Variants in GALK2 observed in about 807,000 individuals in gnomAD.
The protein encoded by GALK2 is N-acetylgalactosamine kinase.
A neutral mutation model predicts 52.4 loss-of-function variants in GALK2; 36 were observed. The ratio of observed to expected loss-of-function variants is 0.69; its 90% CI spans 0.53 to 0.91. The LOEUF (loss-of-function observed/expected upper bound fraction) is 0.91. Among genes scored for constraint, GALK2 ranks in the 40% least tolerant of loss-of-function variants. The pLI, the probability that GALK2 is intolerant of heterozygous loss-of-function variation, is 0.00. For missense variants in GALK2, 579 were observed against 559.1 expected (o/e 1.04, Z -0.36); for synonymous variants, 176 against 199.1 (o/e 0.88, Z 0.98).
chr15:49,276,111 G>A lies in GALK2; in HGVS notation c.505-5876G>A, dbSNP rs149906159. On this transcript the variant is annotated intron_variant, in intron 5 of 9. Coordinates refer to ENST00000560031, the MANE Select transcript of GALK2 (RefSeq NM_002044.4). ...GCAAAGTTTCCCATGCAGTCAAATTGTCTTCCCTAATGATTCTCAGTCATT... is the reference window on the plus strand; with the variant it reads ...GCAAAGTTTCCCATGCAGTCAAATTATCTTCCCTAATGATTCTCAGTCATT... Among the ~76,000 whole-genome samples the A allele has an allele frequency of 1.9e-3, 284 of 152,332 alleles. 2 individuals carry two copies. Among genetic ancestry groups the A allele is most frequent in the African/African-American group, 6.3e-3 (263 of 41,582 alleles).
intron 9 of GALK2, among the ~76,000 whole-genome samples, chr15:49,322,342 C>T (rs546290774): frequency 6.6e-6 from 1 of 152,308 alleles, no homozygotes; most frequent in Non-Finnish European, 1.5e-5. Context: ...ATTCGATAAC[C>T]ATATAGGGTC....
chr15:49,345,995 A>G (rs2041428371), intron 3 of GALK2, among the ~76,000 whole-genome samples: 1 of 151,688 alleles, frequency 6.6e-6, no homozygotes, highest in Non-Finnish European at 1.5e-5. Flanking sequence ...TGAAACCAAG[A>G]GGTTAATTTG....
chr15:49,258,976 A>G (rs1359291651), intron 5 of GALK2, among the ~76,000 whole-genome samples: 6 of 151,132 alleles, frequency 4.0e-5, no homozygotes, highest in African/African-American at 1.2e-4. Context: ...CATGTCCTTC[A>G]CCCATTTTTT....
At position 49,319,713 on chromosome 15, in the gene GALK2, G is replaced by C. The variant is rs1327990412; in HGVS notation, c.1077G>C (p.Leu359=). The change falls in exon 9 of 10, where the codon CTG becomes CTC. Residue 359 remains leucine (L), a synonymous_variant. Transcript: ENST00000560031. ...CEEAPENMVQ[L]LGELMNQSHM... ...AAGCACCTGAAAACATGGTCCAGCT[G>C]CTGGGAGAGTTGATGAACCAGAGCC... The C allele has an allele frequency of 6.2e-7, 1 of 1,614,156 alleles. No homozygotes were observed. The highest frequency in any genetic ancestry group is 2.2e-5 in the East Asian group (1 of 44,882).
chr15:49,262,048 G>A (rs1395259081), intron 5 of GALK2, among the ~76,000 whole-genome samples: 2 of 152,134 alleles, frequency 1.3e-5, no homozygotes, highest in Non-Finnish European at 2.9e-5. Context: ...TTGTGTCTCT[G>A]CCCGGCTTTG....
intron 5 of GALK2, among the ~76,000 whole-genome samples, chr15:49,251,043 T>G (rs2091574639): frequency 6.6e-6 from 1 of 152,068 alleles, no homozygotes; most frequent in Non-Finnish European, 1.5e-5. Context: ...AAAGAACACT[T>G]CCCAACTTGT....
At chr15:49,165,152 A>G (rs974428238) in intron 1 of GALK2, among the ~76,000 whole-genome samples, 1 of 152,206 alleles carries the variant, frequency 6.6e-6, no homozygotes, top group Non-Finnish European at 1.5e-5. Flanking sequence ...AGAATAATGG[A>G]TGAAACATGG....
In GALK2 at chr15:49,254,118, A is replaced by T. The variant is rs2091720487; in HGVS notation, c.504+14751A>T. Among the ~76,000 whole-genome samples the T allele has an allele frequency of 1.4e-5, 2 of 144,922 alleles. 1 individual carries two copies. The highest frequency in any genetic ancestry group is 3.1e-5 in the Non-Finnish European group (2 of 64,388). On this transcript the variant is annotated intron_variant, in intron 5 of 9. Coordinates refer to ENST00000560031, the MANE Select transcript of GALK2 (RefSeq NM_002044.4). ...TATGAGCATCTTTACAGTGCCTGACATAAAGGAGGCAAGTAATTGGATTGG... is the reference window on the plus strand; with the variant it reads ...TATGAGCATCTTTACAGTGCCTGACTTAAAGGAGGCAAGTAATTGGATTGG...
chr15:49,291,130 A>G (rs1184878072), intron 7 of GALK2, among the ~76,000 whole-genome samples: 1 of 149,324 alleles, frequency 6.7e-6, no homozygotes, highest in Non-Finnish European at 1.5e-5. Flanking sequence ...TAATTTTTGT[A>G]TTTTTAGTAG....
At chr15:49,313,780 C>G (rs1477809338) in intron 8 of GALK2, among the ~76,000 whole-genome samples, 1 of 152,174 alleles carries the variant, frequency 6.6e-6, no homozygotes, top group Non-Finnish European at 1.5e-5. Flanking sequence ...TGGCATCCCT[C>G]TTAGTAGAAG....
chr15:49,195,273 A>G (rs2087120649), intron 1 of GALK2: 1 of 315,820 alleles, frequency 3.2e-6, no homozygotes, highest in Non-Finnish European at 6.2e-6. Flanking sequence ...GTGTTTCACT[A>G]TGTTGGCAAG....
At chr15:49,278,175 G>A (rs1379284278) in intron 5 of GALK2, among the ~76,000 whole-genome samples, 1 of 152,134 alleles carries the variant, frequency 6.6e-6, no homozygotes, top group African/African-American at 2.4e-5. Context: ...GCAGGAGAAT[G>A]GCGTGAACCC....
At chr15:49,203,666 G>A (rs2087988801) in intron 2 of GALK2, among the ~76,000 whole-genome samples, 1 of 152,116 alleles carries the variant, frequency 6.6e-6, no homozygotes, top group Non-Finnish European at 1.5e-5. Flanking sequence ...CAGTTCTGAT[G>A]TTTAAGTCTT....
chr15:49,227,241 T>C (rs547163595), intron 3 of GALK2, among the ~76,000 whole-genome samples: 6 of 152,312 alleles, frequency 3.9e-5, no homozygotes, highest in African/African-American at 1.2e-4. Flanking sequence ...TCCCCAAGTA[T>C]TATTGTATTG....
intron 3 of GALK2, among the ~76,000 whole-genome samples, chr15:49,355,794 T>C (rs1322077221): frequency 6.6e-6 from 1 of 151,874 alleles, no homozygotes; most frequent in Admixed American, 6.6e-5. Flanking sequence ...ATTGTCAGAT[T>C]CACCAAAGTT....
intron 7 of GALK2, among the ~76,000 whole-genome samples, chr15:49,287,458 A>G (rs2033489510): frequency 6.6e-6 from 1 of 152,162 alleles, no homozygotes; most frequent in Non-Finnish European, 1.5e-5. Flanking sequence ...AGAGATATTG[A>G]TATTAGGAAT....
intron 1 of GALK2, among the ~76,000 whole-genome samples, chr15:49,192,538 T>A (rs2086847747): frequency 7.2e-6 from 1 of 138,678 alleles, no homozygotes; most frequent in Non-Finnish European, 1.5e-5. Context: ...TGGAGGTGTA[T>A]CTTCAGGGCA....
chr15:49,351,753 G>GACCCTAT (rs1307918099), intron 3 of GALK2, among the ~76,000 whole-genome samples: 1 of 95,926 alleles, frequency 1.0e-5, no homozygotes, highest in African/African-American at 3.7e-5. Context: ...TGTCTCAGCT[G>GACCCTAT]ACCCTATAAG....
chr15:49,318,300 T>C (rs1287702667), intron 8 of GALK2: 2 of 152,186 alleles, frequency 1.3e-5, no homozygotes, highest in Non-Finnish European at 2.9e-5. Flanking sequence ...CTGTGGGTAA[T>C]CTGGAAAATA....
Sources: gnomAD v4.1 joint callset for allele counts (sites outside exome capture counted in the v4.1 genomes callset) on GRCh38, gnomAD v4.1.1 for gene constraint, MANE v1.5 for transcripts, NCBI Gene and HGNC (gene_info 2026-07-23, HGNC 2026-07-21) for gene names.